CA5B: variants seen among roughly 807,000 people sequenced by gnomAD.
CA5B encodes the protein carbonic anhydrase 5B, also known as carbonic anhydrase 5B, mitochondrial.
Under a neutral mutation model 23.1 loss-of-function variants are expected in CA5B, and 15 were observed. The observed-to-expected ratio is 0.65, with a 90% CI of 0.43 to 1.00. The LOEUF is 1.00. Ranked by LOEUF, CA5B falls within the 50% of genes least tolerant of loss-of-function variation. The pLI, the probability that CA5B is intolerant of heterozygous loss-of-function variation, is 0.00. For missense variants in CA5B, 236 were observed against 252.2 expected (o/e 0.94, Z 0.43); for synonymous variants, 84 against 98.5 (o/e 0.85, Z 0.87).
chrX:15,779,063 G>T (rs1931977517), intron 7 of CA5B, among the ~76,000 whole-genome samples: 1 of 111,505 alleles, frequency 9.0e-6, no homozygotes, highest in African/African-American at 3.3e-5. Context: ...GTATCATAAG[G>T]TATTGGCTAT....
chrX:15,752,635 G>C (rs1359003660), intron 2 of CA5B, among the ~76,000 whole-genome samples: 1 of 110,571 alleles, frequency 9.0e-6, no homozygotes, highest in East Asian at 2.8e-4. Context: ...TGAGGCATGA[G>C]AATGGCGTGA....
chrX:15,753,857 C>G (rs1931435129), intron 2 of CA5B, among the ~76,000 whole-genome samples: 1 of 112,402 alleles, frequency 8.9e-6, no homozygotes, highest in Non-Finnish European at 1.9e-5. Flanking sequence ...TCCAGGTGAG[C>G]TGAGATCGTG....
At chrX:15,739,082 G>A (rs954375297) in intron 1 of CA5B, among the ~76,000 whole-genome samples, 1 of 112,343 alleles carries the variant, frequency 8.9e-6, no homozygotes, top group African/African-American at 3.2e-5. Context: ...CTGCCCCGAG[G>A]CTTGTGGCAA....
chrX:15,761,446 G>C (rs1401218049), intron 2 of CA5B, among the ~76,000 whole-genome samples: 1 of 112,149 alleles, frequency 8.9e-6, no homozygotes, highest in Non-Finnish European at 1.9e-5. Context: ...TTCCATTTCA[G>C]ATGTGCCAGT....
Position 15,782,698 on chromosome X carries a change from T to C in CA5B, c.*34T>C. The stretch of plus-strand genomic sequence containing the variant: ...TATCTAGGCAGTATTTTGCTTTTGC[T>C]TTAATATATACTAGCTTACTATAAA... On this transcript the variant is annotated 3_prime_UTR_variant, in exon 8 of 8. Coordinates refer to ENST00000318636, the MANE Select transcript of CA5B (RefSeq NM_007220.4). 9.4e-7 allele frequency: 1 copy of C among 1,059,241 alleles called. No homozygotes were observed. The highest frequency in any genetic ancestry group is 2.2e-5 in the South Asian group (1 of 45,532). 87.3% of individuals were successfully genotyped at this position (1,059,241 alleles called of 1,213,427 possible).
rs973502246 is a variant in CA5B at position 15,787,510 on chromosome X, T to G, written c.*4846T>G. 3.6e-5 allele frequency: 4 copies of G among 112,494 alleles called. No individual in the cohort carries two copies. Among genetic ancestry groups the G allele is most frequent in the African/African-American group, 9.7e-5 (3 of 30,938 alleles). 9.3% of individuals were successfully genotyped at this position (112,494 alleles called of 1,213,427 possible). A position where few individuals can be genotyped will look rare whatever the true frequency, so the allele number is the denominator to read the frequency against. ...AATTCAGATGATGGTAATTATAGTTTGGAAGTGGAATTGGCTTTTAGAGTT... is the reference window on the plus strand; with the variant it reads ...AATTCAGATGATGGTAATTATAGTTGGGAAGTGGAATTGGCTTTTAGAGTT... On this transcript the variant is annotated 3_prime_UTR_variant, in exon 8 of 8. Transcript: ENST00000318636.
In CA5B at chrX:15,776,854, G is replaced by C. The variant is rs1931942529; in HGVS notation, c.759G>C (p.Glu253Asp). Reference protein sequence around the residue: ...VTWIIKKQPVEVDHDQLEQFR... With the variant: ...VTWIIKKQPVDVDHDQLEQFR... Reference sequence around the variant, plus strand: ...GGATCATTAAGAAGCAACCAGTAGAGGTTGATCATGATCAGGTATGTTCTC... The same window carrying C: ...GGATCATTAAGAAGCAACCAGTAGACGTTGATCATGATCAGGTATGTTCTC... The change falls in exon 7 of 8, where the codon GAG becomes GAC. Residue 253 changes from glutamate (E) to aspartate (D), a missense_variant. Glu to Asp is a conservative substitution (Grantham distance 45, BLOSUM62 2). Transcript: ENST00000318636. 3.3e-6 allele frequency: 4 copies of C among 1,208,844 alleles called. No individual in the cohort carries two copies. The highest frequency in any genetic ancestry group is 4.5e-6 in the Non-Finnish European group (4 of 893,261).
chrX:15,752,542 G>A (rs187598432), intron 2 of CA5B, among the ~76,000 whole-genome samples: 25,637 of 109,509 alleles, frequency 0.23, 2,441 homozygotes, highest in East Asian at 0.52. Flanking sequence ...TGGCTAACAC[G>A]GTGAAACCCC....
intron 2 of CA5B, among the ~76,000 whole-genome samples, chrX:15,753,381 GTTAAGAT>G (rs1177072110): frequency 1.8e-5 from 2 of 112,279 alleles, no homozygotes; most frequent in Non-Finnish European, 3.8e-5. Flanking sequence ...AAATGCTTGA[GTTAAGAT>G]AAGGGGGATT....
chrX:15,767,948 G>T (rs187156505), intron 3 of CA5B, among the ~76,000 whole-genome samples: 17 of 97,808 alleles, frequency 1.7e-4, no homozygotes, highest in Admixed American at 1.6e-3. Flanking sequence ...GCCCAGGCTG[G>T]AGTGCAGTGG....
At chrX:15,769,635 C>A in intron 3 of CA5B, 1 of 736,996 alleles carries the variant, frequency 1.4e-6, no homozygotes, top group Non-Finnish European at 1.6e-6. Flanking sequence ...TTAAGTTCTC[C>A]TTCCCTGTTT....
chrX:15,760,472 A>G lies in CA5B; in HGVS notation c.143-4106A>G, dbSNP rs144598361. ...AAGCTGAACTTGTAAACTCAAGGGC[A>G]TAAACTGATCTTGTCATTATGGTCA... On this transcript the variant is annotated intron_variant, in intron 2 of 7. Transcript: ENST00000318636. Among the ~76,000 whole-genome samples, 11 of 111,688 alleles carry G rather than the reference A, an allele frequency of 9.8e-5. No individual in the cohort carries two copies. In the East Asian group the frequency reaches 2.8e-3, roughly 29 times the overall value.
intron 5 of CA5B, 98 bp downstream of exon 5, chrX:15,774,495 A>C (rs1569280476): frequency 2.0e-6 from 2 of 985,638 alleles, no homozygotes; most frequent in Non-Finnish European, 2.8e-6. Flanking sequence ...GTTGGGATCC[A>C]TACATTGGTA....
At chrX:15,761,601 T>C (rs1569277379) in intron 2 of CA5B, among the ~76,000 whole-genome samples, 1 of 112,578 alleles carries the variant, frequency 8.9e-6, no homozygotes, top group African/African-American at 3.2e-5. Context: ...CAGTACTGCA[T>C]TATATGAAGA....
chrX:15,742,801 A>G (rs150533384), intron 1 of CA5B, among the ~76,000 whole-genome samples: 163 of 112,297 alleles, frequency 1.5e-3, no homozygotes, highest in African/African-American at 4.4e-3. Flanking sequence ...TGGTAACCCT[A>G]TTCCCCTCCC....
chrX:15,782,026 T>C (rs1385864485), intron 7 of CA5B, among the ~76,000 whole-genome samples: 2 of 112,655 alleles, frequency 1.8e-5, no homozygotes, highest in African/African-American at 3.2e-5. Flanking sequence ...ATAATACTTA[T>C]TTTATGTTCA....
intron 6 of CA5B, 58 bp downstream of exon 6, chrX:15,775,366 G>C: frequency 8.8e-7 from 1 of 1,141,520 alleles, no homozygotes; most frequent in South Asian, 2.2e-5. Context: ...ATCTCAGAGC[G>C]GAGACATTAC....
intron 3 of CA5B, among the ~76,000 whole-genome samples, chrX:15,768,250 C>T (rs182865442): frequency 9.0e-6 from 1 of 110,552 alleles, no homozygotes; most frequent in East Asian, 2.8e-4. Flanking sequence ...TCAAGTGATC[C>T]TCCCACCTCG....
intron 3 of CA5B, chrX:15,769,665 AAAACACACATAC>A (rs1163313708): frequency 1.7e-6 from 1 of 604,556 alleles, no homozygotes. Flanking sequence ...CATTTACTTT[AAAACACACATAC>A]ACAGTTTAAA....
Sources: allele counts gnomAD v4.1 joint callset (sites outside exome capture counted in the v4.1 genomes callset), GRCh38; gene constraint gnomAD v4.1.1; transcripts MANE v1.5; gene names NCBI Gene and HGNC (gene_info 2026-07-23, HGNC 2026-07-21).